Variants in FAR1 observed in about 807,000 individuals in gnomAD.
The protein encoded by FAR1 is male sterility domain-containing protein 2.
In FAR1, 22 loss-of-function variants were observed where a neutral mutation model predicts 61.1. That is an observed-to-expected ratio of 0.36 (90% confidence interval 0.26 to 0.51). The LOEUF is 0.51. Among genes scored for constraint, FAR1 ranks in the 20% least tolerant of loss-of-function variants. FAR1 has a pLI of 0.95. For synonymous variants in FAR1, 206 were observed against 209.7 expected, an observed-to-expected ratio of 0.98 and a Z score of 0.15; for missense variants, 359 against 626.9, an observed-to-expected ratio of 0.57 and a Z score of 4.56.
chr11:13,691,508 G>A (rs1054873824), intron 1 of FAR1, among the ~76,000 whole-genome samples: 2 of 152,104 alleles, frequency 1.3e-5, no homozygotes, highest in Non-Finnish European at 2.9e-5. Context: ...AACTCCTTAA[G>A]CAGTTTCTCT....
intron 9 of FAR1, among the ~76,000 whole-genome samples, chr11:13,716,104 T>A: frequency 6.6e-6 from 1 of 152,192 alleles, no homozygotes; most frequent in Non-Finnish European, 1.5e-5. Context: ...GAAGCATTCT[T>A]CATGGCTAAA....
chr11:13,670,305 G>T (rs1847983734), intron 1 of FAR1, among the ~76,000 whole-genome samples: 2 of 150,176 alleles, frequency 1.3e-5, no homozygotes, highest in African/African-American at 2.5e-5. Context: ...TTATAAATTT[G>T]TGTGTGTGTG....
chr11:13,671,227 A>G (rs1185262131), intron 1 of FAR1, among the ~76,000 whole-genome samples: 1 of 152,218 alleles, frequency 6.6e-6, no homozygotes, highest in Non-Finnish European at 1.5e-5. Context: ...CATGTGAACT[A>G]GAAGTTGGGA....
chr11:13,717,048 T>C (rs551133588), intron 9 of FAR1, among the ~76,000 whole-genome samples: 1 of 151,232 alleles, frequency 6.6e-6, no homozygotes, highest in Non-Finnish European at 1.5e-5. Context: ...GCCATCATTT[T>C]TGGAAAGTAC....
rs1848723097 is a variant in FAR1 at position 13,731,308 on chromosome 11, C to T, written c.*2534C>T. ...TCATTTTTGAACCTGTGTAATAAAG[C>T]TTGAAAGCAGGGAAAAGAATTTCCT... On this transcript the variant is annotated 3_prime_UTR_variant, in exon 12 of 12. Transcript: ENST00000354817. 2 of 152,466 alleles carry T rather than the reference C, an allele frequency of 1.3e-5. No individual in the cohort carries two copies. The allele number at this position is 152,466 out of a possible 1,614,324, so 9.4% of individuals were successfully genotyped here.
chr11:13,679,095 G>A (rs1848098392), intron 1 of FAR1, among the ~76,000 whole-genome samples: 1 of 152,106 alleles, frequency 6.6e-6, no homozygotes, highest in South Asian at 2.1e-4. Context: ...ATATTGTGAA[G>A]TCAAATTTTA....
At chr11:13,691,550 A>C (rs994488833) in intron 1 of FAR1, among the ~76,000 whole-genome samples, 2 of 152,222 alleles carry the variant, frequency 1.3e-5, no homozygotes, top group African/African-American at 4.8e-5. Context: ...CCACAGGCAC[A>C]GGCAACTACC....
intron 3 of FAR1, among the ~76,000 whole-genome samples, chr11:13,706,166 G>T (rs1312595520): frequency 6.6e-6 from 1 of 151,810 alleles, no homozygotes; most frequent in Non-Finnish European, 1.5e-5. Flanking sequence ...GAAAATTTCT[G>T]TATTTCTAAT....
chr11:13,723,098 A>G (rs557755183), intron 10 of FAR1, among the ~76,000 whole-genome samples: 3 of 152,110 alleles, frequency 2.0e-5, no homozygotes, highest in Non-Finnish European at 4.4e-5. Context: ...TGGTCATAGT[A>G]GCTCATGCCT....
intron 2 of FAR1, among the ~76,000 whole-genome samples, chr11:13,696,644 T>C (rs754698145): frequency 9.5e-6 from 1 of 105,286 alleles, no homozygotes; most frequent in Non-Finnish European, 2.2e-5. Context: ...AATATTTGAC[T>C]TAACTTGATA....
At position 13,713,056 on chromosome 11, in the gene FAR1, G is replaced by C. The variant is rs571023830; in HGVS notation, c.955+23G>C. On this transcript the variant is annotated intron_variant, in intron 8 of 11. Transcript: ENST00000354817. ...TTGGTATGATTTTACCTGTGTTTTT[G>C]AATGTTAGAATAAATCTTAAAGAAC... 5.6e-5 allele frequency: 89 copies of C among 1,598,258 alleles called. No individual in the cohort carries two copies. In the East Asian group the frequency reaches 7.2e-4, roughly 13 times the overall value.
At chr11:13,711,530 T>G (rs974452403) in intron 5 of FAR1, among the ~76,000 whole-genome samples, 8 of 152,186 alleles carry the variant, frequency 5.3e-5, no homozygotes, top group Non-Finnish European at 8.8e-5. Context: ...AGAGAGTTAA[T>G]GGAAGAGTAG....
At chr11:13,688,363 G>T (rs1361742512) in intron 1 of FAR1, among the ~76,000 whole-genome samples, 1 of 151,988 alleles carries the variant, frequency 6.6e-6, no homozygotes, top group Non-Finnish European at 1.5e-5. Context: ...TCTTTATTCT[G>T]TTAGGCTTGA....
At chr11:13,705,885 G>C (rs951027148) in intron 3 of FAR1, among the ~76,000 whole-genome samples, 8 of 151,980 alleles carry the variant, frequency 5.3e-5, no homozygotes, top group Admixed American at 4.6e-4. Context: ...AATATTCTCT[G>C]TATTCCTCTC....
chr11:13,672,781 T>G (rs563756647), intron 1 of FAR1, among the ~76,000 whole-genome samples: 2 of 152,294 alleles, frequency 1.3e-5, no homozygotes, highest in South Asian at 4.1e-4. Context: ...AAAGGTGGTA[T>G]TTGCTTAACC....
At chr11:13,723,408 A>G (rs1447058906) in intron 10 of FAR1, 2 of 404,528 alleles carry the variant, frequency 4.9e-6, no homozygotes, top group African/African-American at 2.2e-5. Context: ...TTTTTTATTT[A>G]TATTCTGTCT....
At chr11:13,670,034 A>T (rs1306171942) in intron 1 of FAR1, 1 of 152,224 alleles carries the variant, frequency 6.6e-6, no homozygotes, top group East Asian at 1.9e-4. Flanking sequence ...GTGAGAATTA[A>T]CGTATAAGTA....
chr11:13,672,719 A>G (rs898606709), intron 1 of FAR1, among the ~76,000 whole-genome samples: 3 of 152,106 alleles, frequency 2.0e-5, no homozygotes, highest in Admixed American at 1.3e-4. Context: ...GTGTGTTCCT[A>G]TCTTGGAAAT....
rs912071539 is a variant in FAR1 at position 13,668,786 on chromosome 11, G to C, written c.-28G>C. The C allele has an allele frequency of 6.5e-6, 1 of 154,480 alleles. No individual in the cohort carries two copies. The allele number at this position is 154,480 out of a possible 1,614,324, so 9.6% of individuals were successfully genotyped here. ...TGCTGGACGGCCAGTGGGAGAGCGA[G>C]GCCTGAGCCTCTGCGTCTAGGTGAG... On this transcript the variant is annotated 5_prime_UTR_variant, in exon 1 of 12. Transcript: ENST00000354817.
Sources: gnomAD v4.1 joint callset for allele counts (sites outside exome capture counted in the v4.1 genomes callset) on GRCh38, gnomAD v4.1.1 for gene constraint, MANE v1.5 for transcripts, NCBI Gene and HGNC (gene_info 2026-07-23, HGNC 2026-07-21) for gene names.